CEP192: variants seen among roughly 807,000 people sequenced by gnomAD.
CEP192 encodes centrosomal protein 192.
A neutral mutation model predicts 271.8 loss-of-function variants in CEP192; 151 were observed. That is an observed-to-expected ratio of 0.56 (90% CI 0.49 to 0.64). The LOEUF is 0.64. Among genes scored for constraint, CEP192 ranks in the 30% least tolerant of loss-of-function variants. The pLI is 0.00. For missense variants in CEP192, 2,910 were observed against 3,020.5 expected, an observed-to-expected ratio of 0.96 and a Z score of 0.86; for synonymous variants, 995 against 1,076.5, an observed-to-expected ratio of 0.92 and a Z score of 1.48.
chr18:13,097,502 G>A (rs1169193178), intron 36 of CEP192, among the ~76,000 whole-genome samples: 4 of 151,898 alleles, frequency 2.6e-5, no homozygotes, highest in Admixed American at 2.6e-4. Flanking sequence ...TCCCCGTGCT[G>A]TACTTGCATT....
chr18:13,051,130 A>T (rs1370539539), intron 17 of CEP192, among the ~76,000 whole-genome samples: 1 of 152,190 alleles, frequency 6.6e-6, no homozygotes, highest in Non-Finnish European at 1.5e-5. Flanking sequence ...TAATAATTGC[A>T]TTAGGGTATA....
chr18:13,070,928 C>T, intron 27 of CEP192, 111 bp from the exon 28 acceptor site: 1 of 792,848 alleles, frequency 1.3e-6, no homozygotes. Context: ...GTGGGAATAT[C>T]ATTGTATCCC....
At chr18:13,118,129 C>T (rs560873361) in intron 44 of CEP192, among the ~76,000 whole-genome samples, 23 of 152,262 alleles carry the variant, frequency 1.5e-4, no homozygotes, top group African/African-American at 5.1e-4. Context: ...ATTTTCTTGT[C>T]GCTCTTGCTA....
chr18:13,004,498 G>A (rs1015411242), intron 3 of CEP192, among the ~76,000 whole-genome samples: 1 of 152,204 alleles, frequency 6.6e-6, no homozygotes, highest in Non-Finnish European at 1.5e-5. Context: ...GTTCCCCTGC[G>A]GGAACAGGTG....
At chr18:13,000,110 TTTTTTTTTG>T (rs2033538029) in intron 2 of CEP192, among the ~76,000 whole-genome samples, 1 of 145,458 alleles carries the variant, frequency 6.9e-6, no homozygotes. Flanking sequence ...TTTTTTTTTT[TTTTTTTTTG>T]CTAATTAAAA....
rs561788872 is a variant in CEP192, at chr18:13,052,901, G to C, written c.3018-18G>C. 0.13 allele frequency: 199,727 copies of C among 1,540,304 alleles called. 15,161 individuals carry two copies. Among genetic ancestry groups the C allele is most frequent in the East Asian group, 0.28 (12,360 of 43,546 alleles). On this transcript the variant is annotated intron_variant, in intron 17 of 44. Coordinates refer to ENST00000506447, the MANE Select transcript of CEP192 (RefSeq NM_032142.4). ...AAGGACTGGAGAACTCCAGGTGTGA[G>C]CTACTCTTCTCTTTCAGGTGTGCGT...
Position 13,114,053 on chromosome 18 carries a change from G to T in CEP192, c.7168-77G>T, listed in dbSNP as rs184648424. 1.3e-3 allele frequency: 1,916 copies of T among 1,482,104 alleles called. 5 individuals are homozygous for T. The highest frequency in any genetic ancestry group is 1.5e-3 in the Non-Finnish European group (1,690 of 1,097,972). 91.8% of individuals were successfully genotyped at this position (1,482,104 alleles called of 1,614,324 possible). ...TTAAAAATTTTTAAAGGAAATGATA[G>T]AATTCAAATAAGTAAATGTCCATAT... On this transcript the variant is annotated intron_variant, in intron 41 of 44. Coordinates refer to ENST00000506447, the MANE Select transcript of CEP192 (RefSeq NM_032142.4).
Position 13,122,580 on chromosome 18 carries a change from G to GA in CEP192, c.7476-2041dup, listed in dbSNP as rs11303551. 8.0e-5 allele frequency among the ~76,000 whole-genome samples: 12 copies of GA among 150,426 alleles called. No homozygotes were observed. In the South Asian group the frequency reaches 1.3e-3, roughly 16 times the overall value. On this transcript the variant is annotated intron_variant, in intron 44 of 44. Transcript: ENST00000506447. ...TGGGCGACAGAGCGAGAATCCGTCT[G>GA]AAAAAAAAAAATGTTTTGAAAGGAA...
chr18:13,053,659 C>G (rs529244079), intron 18 of CEP192, among the ~76,000 whole-genome samples: 1 of 152,234 alleles, frequency 6.6e-6, no homozygotes, highest in South Asian at 2.1e-4. Flanking sequence ...GGCTTTTTAG[C>G]AGGTCACTGT....
chr18:13,072,331 T>A (rs1400190600), intron 28 of CEP192, among the ~76,000 whole-genome samples: 1 of 152,240 alleles, frequency 6.6e-6, no homozygotes, highest in Non-Finnish European at 1.5e-5. Context: ...AAGACTACTT[T>A]GTGCAAATGA....
At chr18:13,119,296 G>A (rs560747247) in intron 44 of CEP192, among the ~76,000 whole-genome samples, 15 of 152,082 alleles carry the variant, frequency 9.9e-5, no homozygotes, top group African/African-American at 3.1e-4. Context: ...CCTCAGATTG[G>A]TTCACATCCC....
chr18:13,113,282 G>A (rs143798671), intron 40 of CEP192, among the ~76,000 whole-genome samples: 4 of 152,338 alleles, frequency 2.6e-5, no homozygotes, highest in East Asian at 1.9e-4. Flanking sequence ...GACCTTCCTC[G>A]TGTAGGTGTT....
intron 38 of CEP192, among the ~76,000 whole-genome samples, chr18:13,101,591 G>A (rs2039707918): frequency 6.6e-6 from 1 of 152,116 alleles, no homozygotes; most frequent in South Asian, 2.1e-4. Flanking sequence ...ACCTGTTAGA[G>A]AGGATATGGG....
Position 13,087,263 on chromosome 18 carries a change from G to C in CEP192, c.5863G>C (p.Glu1955Gln), listed in dbSNP as rs2038939825. The part of the protein sequence containing the change: ...RIFPDKFVLK[E>Q]RTQENVTLIY... Reference sequence around the variant, plus strand: ...TTTTCCAGATAAATTTGTACTCAAGGAAAGAACACAAGAAGTAAGTACAAA... The same window carrying C: ...TTTTCCAGATAAATTTGTACTCAAGCAAAGAACACAAGAAGTAAGTACAAA... The change falls in exon 31 of 45, where the codon GAA becomes CAA. Residue 1955 changes from glutamate to glutamine, a missense_variant. Transcript: ENST00000506447. 6.2e-7 allele frequency: 1 copy of C among 1,603,682 alleles called. No homozygotes were observed. The highest frequency in any genetic ancestry group is 8.5e-7 in the Non-Finnish European group (1 of 1,172,084).
chr18:13,018,954 G>A, intron 8 of CEP192, 128 bp from the exon 9 acceptor site: 1 of 852,116 alleles, frequency 1.2e-6, no homozygotes, highest in Non-Finnish European at 1.7e-6. Flanking sequence ...TACGAAAATG[G>A]CTAAATTTGT....
intron 36 of CEP192, among the ~76,000 whole-genome samples, chr18:13,098,060 A>G (rs1001106608): frequency 5.3e-5 from 8 of 152,290 alleles, no homozygotes; most frequent in South Asian, 2.1e-4. Context: ...ACACAGACAC[A>G]GCAACCATCC....
intron 40 of CEP192, among the ~76,000 whole-genome samples, chr18:13,105,741 T>G (rs924428314): frequency 6.6e-6 from 1 of 152,240 alleles, no homozygotes; most frequent in Non-Finnish European, 1.5e-5. Context: ...TTTCTCACTT[T>G]TTTTGGAAAG....
intron 44 of CEP192, among the ~76,000 whole-genome samples, chr18:13,121,800 C>T (rs1198693411): frequency 1.3e-5 from 2 of 152,222 alleles, no homozygotes; most frequent in African/African-American, 2.4e-5. Context: ...CTGGCAGACC[C>T]TGCATGTCAT....
In CEP192 at chr18:13,116,607, AT is replaced by A. The variant is rs1195940324; in HGVS notation, c.7416+105del. On this transcript the variant is annotated intron_variant, in intron 43 of 44. Transcript: ENST00000506447. ...TGTAGACTATATTTAAGTTGTAAGA[AT>A]GAGGTAATTTTTCTTTTTTTGGAGA... 4.2e-6 allele frequency: 5 copies of A among 1,201,140 alleles called. No individual in the cohort carries two copies. The African/African-American group carries it at 8.0e-5, about 19-fold the overall frequency. The allele number at this position is 1,201,140 out of a possible 1,614,324, so 74.4% of individuals were successfully genotyped here.
Sources: allele counts gnomAD v4.1 joint callset (sites outside exome capture counted in the v4.1 genomes callset), GRCh38; gene constraint gnomAD v4.1.1; transcripts MANE v1.5; gene names NCBI Gene and HGNC (gene_info 2026-07-23, HGNC 2026-07-21).